The following ALPK3 variants were observed in gnomAD, a reference collection of about 807,000 sequenced individuals.
ALPK3 encodes the protein alpha-protein kinase 3.
A neutral mutation model predicts 140.0 loss-of-function variants in ALPK3; 102 were observed. That is an observed-to-expected ratio of 0.73 (90% confidence interval 0.62 to 0.86). The LOEUF (loss-of-function observed/expected upper bound fraction) is 0.86, where lower values mean the gene tolerates loss of function less well. Ranked by LOEUF, ALPK3 falls within the 40% of genes least tolerant of loss-of-function variation. The pLI is 0.00. For missense variants in ALPK3, 2,254 were observed against 2,208.2 expected (o/e 1.02, Z -0.42); for synonymous variants, 938 against 898.5 (o/e 1.04, Z -0.79).
chr15:84,864,141 T>C (rs1246790006), intron 11 of ALPK3, among the ~76,000 whole-genome samples: 2 of 152,202 alleles, frequency 1.3e-5, no homozygotes, highest in Non-Finnish European at 2.9e-5. Flanking sequence ...GTGCTCCTTC[T>C]GTTTGACACA....
In ALPK3 at chr15:84,817,435, G is replaced by A; in HGVS notation, c.-18G>A. 7.9e-7 allele frequency: 1 copy of A among 1,265,424 alleles called. No individual in the cohort carries two copies. 78.4% of individuals were successfully genotyped at this position (1,265,424 alleles called of 1,614,324 possible). On this transcript the variant is annotated 5_prime_UTR_variant, in exon 1 of 14. Coordinates refer to ENST00000258888, the MANE Select transcript of ALPK3 (RefSeq NM_020778.5). ...GGCAGCGGCGAGTGCGGGGCCGGCG[G>A]TCGGGGAGGGCGGTGCCATGGGGTC...
intron 5 of ALPK3, among the ~76,000 whole-genome samples, chr15:84,841,697 T>G (rs1356750725): frequency 6.6e-6 from 1 of 151,650 alleles, no homozygotes; most frequent in East Asian, 1.9e-4. Flanking sequence ...GGTAGTGGAG[T>G]GTCCACTCCC....
rs1291790142 is a variant in ALPK3, at chr15:84,858,229, G to A, written c.3491G>A (p.Arg1164Gln). The change falls in exon 6 of 14, where the codon CGG becomes CAG. Residue 1164 changes from arginine (R) to glutamine (Q), a missense_variant. Around this residue, in one of 3 missense-constraint regions of ALPK3, gnomAD observed 2,088 missense variants for 2,022.9 expected, o/e 1.03. Transcript: ENST00000258888. ...ATPEELALGA[R>Q]RKRFLPKVRA... The stretch of plus-strand genomic sequence containing the variant: ...CCTGAGGAACTGGCTCTAGGGGCCC[G>A]GAGGAAGAGATTTCTCCCTAAGGTC... 8 of 1,610,468 alleles carry A rather than the reference G, an allele frequency of 5.0e-6. No homozygotes were observed. Among genetic ancestry groups the A allele is most frequent in the South Asian group, 4.4e-5 (4 of 90,416 alleles).
At chr15:84,867,174 C>A in intron 12 of ALPK3, 143 bp from the exon 13 acceptor site, 1 of 506,616 alleles carries the variant, frequency 2.0e-6, no homozygotes, top group East Asian at 3.7e-5. Context: ...GAAGTTGATG[C>A]CAGCCTGGGC....
intron 7 of ALPK3, 148 bp from the exon 8 acceptor site, chr15:84,859,628 C>T (rs1963917524): frequency 6.7e-6 from 9 of 1,346,634 alleles, no homozygotes; most frequent in Non-Finnish European, 7.9e-6. Context: ...GGCTTCAGGA[C>T]CAGCTCTTGG....
chr15:84,828,316 G>A (rs146123600), intron 3 of ALPK3, among the ~76,000 whole-genome samples: 179 of 152,324 alleles, frequency 1.2e-3, no homozygotes, highest in African/African-American at 4.2e-3. Context: ...ATAGGAAGCA[G>A]AGTGATACTC....
rs1401678016 is a variant in ALPK3, at chr15:84,817,477, C to A, written c.25C>A (p.Arg9=). The A allele has an allele frequency of 2.8e-6, 3 of 1,071,388 alleles. 1 individual carries two copies. The highest frequency in any genetic ancestry group is 6.3e-4 in the Middle Eastern group (2 of 3,172). The allele number at this position is 1,071,388 out of a possible 1,614,324, so 66.4% of individuals were successfully genotyped here. ...CATGGGGTCGCGGAGGGCCCCCAGC[C>A]GGGGCTGGGGCGCGGGTGGGCGGTC... MGSRRAPS[R]GWGAGGRSGA... is the part of the protein sequence containing the mutation. The change falls in exon 1 of 14, where the codon CGG becomes AGG. Residue 9 remains arginine, a synonymous_variant. Coordinates refer to ENST00000258888, the MANE Select transcript of ALPK3 (RefSeq NM_020778.5).
chr15:84,823,481 A>G, intron 2 of ALPK3, 113 bp downstream of exon 2: 1 of 1,190,534 alleles, frequency 8.4e-7, no homozygotes, highest in Non-Finnish European at 1.2e-6. Flanking sequence ...GTGAGGGGAG[A>G]GCTGGAGGGT....
At position 84,868,120 on chromosome 15, in the gene ALPK3, C is replaced by T. The variant is rs1225591374; in HGVS notation, c.4782C>T (p.Gly1594=). ...TCCTGTCTGGCTGCAGATACCAGGG[C>T]CTCAAGGAAAGCTGCTTCCCTGCCC... The part of the protein sequence containing the change: ...QIATKLRGYQ[G]LKESCFPALL... The change falls in exon 14 of 14, where the codon GGC becomes GGT. Residue 1594 remains glycine (G), a synonymous_variant. Coordinates refer to ENST00000258888, the MANE Select transcript of ALPK3 (RefSeq NM_020778.5). 1 of 1,609,728 alleles carries T rather than the reference C, an allele frequency of 6.2e-7. No individual in the cohort carries two copies. The highest frequency in any genetic ancestry group is 1.7e-5 in the Admixed American group (1 of 59,832).
chr15:84,868,371 C>T lies in ALPK3; in HGVS notation c.5033C>T (p.Pro1678Leu). Residue 1678 changes from proline (P) to leucine (L), a missense_variant, in exon 14 of 14, where the codon CCT becomes CTT. Coordinates refer to ENST00000258888, the MANE Select transcript of ALPK3 (RefSeq NM_020778.5). ...RKSAPSSKATPQASEPVTTQL... is the reference protein window; with the variant it reads ...RKSAPSSKATLQASEPVTTQL... ...AGTGCTCCAAGTTCCAAGGCCACCC[C>T]TCAGGCCTCAGAGCCAGTCACCACT... is the stretch of plus-strand genomic sequence containing the variant. 1 of 1,614,028 alleles carries T rather than the reference C, an allele frequency of 6.2e-7. No homozygotes were observed. The highest frequency in any genetic ancestry group is 8.5e-7 in the Non-Finnish European group (1 of 1,180,028).
At chr15:84,852,974 A>G (rs2141565064) in intron 5 of ALPK3, among the ~76,000 whole-genome samples, 1 of 152,366 alleles carries the variant, frequency 6.6e-6, no homozygotes, top group South Asian at 2.1e-4. Context: ...CCGATTAGGC[A>G]GTTGGCAGTG....
At chr15:84,819,480 A>G (rs1963399678) in intron 1 of ALPK3, among the ~76,000 whole-genome samples, 1 of 152,206 alleles carries the variant, frequency 6.6e-6, no homozygotes, top group African/African-American at 2.4e-5. Flanking sequence ...AGTGGGGAGA[A>G]TGTGACTGGG....
chr15:84,850,884 A>ACACACACACACG lies in ALPK3; in HGVS notation c.1654-5497_1654-5496insGCACACACACAC, dbSNP rs1319604756. Among the ~76,000 whole-genome samples, 3 of 147,628 alleles carry ACACACACACACG rather than the reference A, an allele frequency of 2.0e-5. No individual in the cohort carries two copies. The East Asian group carries it at 5.8e-4, about 29-fold the overall frequency. ...TCTTTACACAGTTCCAGATATACACACACACACACACACACACACACACAC... is the reference window on the plus strand; with the variant it reads ...TCTTTACACAGTTCCAGATATACACACACACACACACGCACACACACACACACACACACACAC... On this transcript the variant is annotated intron_variant, in intron 5 of 13. Transcript: ENST00000258888.
intron 6 of ALPK3, 76 bp from the exon 7 acceptor site, chr15:84,859,167 C>T (rs1963906768): frequency 1.3e-6 from 2 of 1,582,096 alleles, no homozygotes; most frequent in Non-Finnish European, 8.6e-7. Context: ...GCCTTTTCCA[C>T]CAAGGACACC....
chr15:84,817,789 T>C (rs184786473), intron 1 of ALPK3, among the ~76,000 whole-genome samples, 194 bp downstream of exon 1: 1 of 152,278 alleles, frequency 6.6e-6, no homozygotes, highest in East Asian at 1.9e-4. Context: ...TCCTGATCCA[T>C]GCGCCTCAGG....
At position 84,840,178 on chromosome 15, in the gene ALPK3, T is replaced by A. The variant is rs1283338715; in HGVS notation, c.899T>A (p.Met300Lys). ...TTGCTGACATACATCTGTGACGCCA[T>A]GGAGCTGGGGCCTCAGAGAGCCCTC... ...HGLLTYICDA[M>K]ELGPQRALKE... Residue 300 changes from methionine to lysine, a missense_variant, in exon 5 of 14, where the codon ATG (methionine) becomes AAG (lysine). Coordinates refer to ENST00000258888, the MANE Select transcript of ALPK3 (RefSeq NM_020778.5). 7.4e-6 allele frequency: 12 copies of A among 1,612,038 alleles called. No individual in the cohort carries two copies. The highest frequency in any genetic ancestry group is 1.3e-5 in the African/African-American group (1 of 74,224).
At chr15:84,842,699 A>G (rs962565863) in intron 5 of ALPK3, among the ~76,000 whole-genome samples, 3 of 152,170 alleles carry the variant, frequency 2.0e-5, no homozygotes, top group African/African-American at 7.2e-5. Flanking sequence ...ATGGGTGCTA[A>G]GGTTAGACTG....
In ALPK3 at chr15:84,869,251, G is replaced by C. The variant is rs938499023; in HGVS notation, c.*795G>C. 2.6e-5 allele frequency: 4 copies of C among 152,484 alleles called. No individual in the cohort carries two copies. Among genetic ancestry groups the C allele is most frequent in the Admixed American group, 2.6e-4 (4 of 15,282 alleles). The allele number at this position is 152,484 out of a possible 1,614,324, so 9.4% of individuals were successfully genotyped here. ...CCACTCCCTGCCCACCAATACCCAG[G>C]TGAGGAACAGACCCTCTGGCCTCTC... is the stretch of plus-strand genomic sequence containing the variant. On this transcript the variant is annotated 3_prime_UTR_variant, in exon 14 of 14. Transcript: ENST00000258888.
intron 9 of ALPK3, among the ~76,000 whole-genome samples, 200 bp from the exon 10 acceptor site, chr15:84,862,435 G>A (rs1309678288): frequency 6.6e-6 from 1 of 152,072 alleles, no homozygotes; most frequent in Non-Finnish European, 1.5e-5. Flanking sequence ...GATGGCAGGG[G>A]TTGAATCAAA....
Sources: allele counts gnomAD v4.1 joint callset (sites outside exome capture counted in the v4.1 genomes callset), GRCh38; gene constraint gnomAD v4.1.1; regional missense constraint gnomAD v4.1.1; transcripts MANE v1.5; gene names NCBI Gene and HGNC (gene_info 2026-07-23, HGNC 2026-07-21).